Variants in SLC35F4 observed in about 807,000 individuals in gnomAD.
SLC35F4 encodes chromosome 14 open reading frame 36.
A neutral mutation model predicts 44.2 loss-of-function variants in SLC35F4; 24 were observed. The ratio of observed to expected loss-of-function variants is 0.54; its 90% CI spans 0.39 to 0.76. The LOEUF is 0.76. Ranked by LOEUF, SLC35F4 falls within the 30% of genes least tolerant of loss-of-function variation. The pLI is 0.00. For synonymous variants in SLC35F4, 238 were observed against 223.6 expected (o/e 1.06, Z -0.57); for missense variants, 562 against 586.1 (o/e 0.96, Z 0.42).
intron 1 of SLC35F4, among the ~76,000 whole-genome samples, chr14:57,865,305 C>T (rs979514956): frequency 1.3e-4 from 20 of 151,924 alleles, no homozygotes; most frequent in African/African-American, 4.6e-4. Context: ...CCCCAGCCTG[C>T]GTCCCCAGCG....
At chr14:57,644,554 T>C (rs996842386) in intron 1 of SLC35F4, among the ~76,000 whole-genome samples, 1 of 152,062 alleles carries the variant, frequency 6.6e-6, no homozygotes, top group Admixed American at 6.6e-5. Context: ...TTTTCTCCCA[T>C]TCTGTAGGTT....
At chr14:57,585,366 C>T (rs1271231550) in intron 3 of SLC35F4, among the ~76,000 whole-genome samples, 1 of 152,164 alleles carries the variant, frequency 6.6e-6, no homozygotes, top group African/African-American at 2.4e-5. Flanking sequence ...CTATTTATGA[C>T]AGACTCACAG....
At chr14:57,672,575 T>C (rs1256564797) in intron 1 of SLC35F4, among the ~76,000 whole-genome samples, 1 of 152,142 alleles carries the variant, frequency 6.6e-6, no homozygotes, top group East Asian at 1.9e-4. Context: ...ACTACCGCTA[T>C]ATGATTATAA....
intron 1 of SLC35F4, among the ~76,000 whole-genome samples, chr14:57,791,943 A>C (rs1249796502): frequency 6.6e-6 from 1 of 151,490 alleles, no homozygotes; most frequent in African/African-American, 2.4e-5. Flanking sequence ...GGAGGGGAAC[A>C]TCACACACTG....
intron 1 of SLC35F4, among the ~76,000 whole-genome samples, chr14:57,966,025 C>T (rs1329464638): frequency 6.6e-6 from 1 of 152,152 alleles, no homozygotes; most frequent in Admixed American, 6.5e-5. Context: ...CAATGTGTGG[C>T]CCACAATTCA....
chr14:57,716,860 C>A (rs8018502), intron 1 of SLC35F4, among the ~76,000 whole-genome samples: 2 of 151,846 alleles, frequency 1.3e-5, no homozygotes, highest in East Asian at 1.9e-4. Context: ...TCTGTTAACC[C>A]ACCTCTCCCT....
At chr14:57,581,498 C>T in intron 3 of SLC35F4, 65 bp from the exon 4 acceptor site, 1 of 1,399,494 alleles carries the variant, frequency 7.1e-7, no homozygotes, top group South Asian at 1.3e-5. Flanking sequence ...TTATCTGACT[C>T]ATCGCAGCCA....
chr14:57,640,336 CA>C (rs1481307732), intron 1 of SLC35F4, among the ~76,000 whole-genome samples: 2 of 151,378 alleles, frequency 1.3e-5, no homozygotes, highest in Non-Finnish European at 3.0e-5. Context: ...AAAGTACTGA[CA>C]AAAAAGAGAT....
chr14:57,831,953 G>C (rs886441390), intron 1 of SLC35F4, among the ~76,000 whole-genome samples: 1 of 152,104 alleles, frequency 6.6e-6, no homozygotes, highest in Non-Finnish European at 1.5e-5. Flanking sequence ...TCATGTTTTT[G>C]AGCACTGCAA....
chr14:57,844,909 A>G (rs954647074), intron 1 of SLC35F4, among the ~76,000 whole-genome samples: 8 of 151,192 alleles, frequency 5.3e-5, no homozygotes, highest in Admixed American at 2.6e-4. Flanking sequence ...TCTCTCCTCC[A>G]TCTATCTCTC....
At chr14:57,779,885 C>G (rs546105665) in intron 1 of SLC35F4, among the ~76,000 whole-genome samples, 5 of 152,064 alleles carry the variant, frequency 3.3e-5, no homozygotes, top group African/African-American at 2.4e-5. Flanking sequence ...ACTCAACACC[C>G]CTTCGTATTA....
chr14:57,706,604 G>C (rs1202027574), intron 1 of SLC35F4, among the ~76,000 whole-genome samples: 1 of 152,194 alleles, frequency 6.6e-6, no homozygotes, highest in Non-Finnish European at 1.5e-5. Context: ...ACCCTGGGTA[G>C]TCAAAGAAGG....
intron 1 of SLC35F4, among the ~76,000 whole-genome samples, chr14:57,937,190 C>G (rs2141069815): frequency 6.6e-6 from 1 of 152,028 alleles, no homozygotes; most frequent in African/African-American, 2.4e-5. Flanking sequence ...GCCTCAGTCT[C>G]CCGAGTAGCT....
At chr14:57,607,377 A>G (rs1166766367) in intron 1 of SLC35F4, among the ~76,000 whole-genome samples, 2 of 152,214 alleles carry the variant, frequency 1.3e-5, no homozygotes, top group East Asian at 3.8e-4. Flanking sequence ...TTAAGCCACA[A>G]TCTAAATGAA....
chr14:57,816,389 T>G (rs1378709732), intron 1 of SLC35F4, among the ~76,000 whole-genome samples: 3 of 152,118 alleles, frequency 2.0e-5, no homozygotes, highest in Non-Finnish European at 4.4e-5. Context: ...CTCCCAGTCA[T>G]GCAGAAAATG....
chr14:57,605,068 C>T (rs2071070697), intron 1 of SLC35F4, among the ~76,000 whole-genome samples: 2 of 128,392 alleles, frequency 1.6e-5, no homozygotes, highest in African/African-American at 5.6e-5. Flanking sequence ...ACGGCTAAGT[C>T]CCCAAAAGCA....
intron 1 of SLC35F4, among the ~76,000 whole-genome samples, chr14:57,926,835 G>A (rs903626076): frequency 6.6e-5 from 10 of 152,126 alleles, no homozygotes; most frequent in African/African-American, 2.4e-4. Context: ...GATATCACCA[G>A]TGTTTCCAAA....
At chr14:57,965,157 G>C (rs1364436066) in intron 1 of SLC35F4, among the ~76,000 whole-genome samples, 1 of 152,082 alleles carries the variant, frequency 6.6e-6, no homozygotes, top group African/African-American at 2.4e-5. Flanking sequence ...TCAGGAGTCT[G>C]ACAAGGGTCT....
At chr14:57,926,735 G>A (rs200799161) in intron 1 of SLC35F4, among the ~76,000 whole-genome samples, 4 of 141,090 alleles carry the variant, frequency 2.8e-5, no homozygotes, top group Admixed American at 7.0e-5. Flanking sequence ...TGGGGGGGGG[G>A]GGTGGATATA....
Sources: gnomAD v4.1 joint callset for allele counts (sites outside exome capture counted in the v4.1 genomes callset) on GRCh38, gnomAD v4.1.1 for gene constraint, MANE v1.5 for transcripts, NCBI Gene and HGNC (gene_info 2026-07-23, HGNC 2026-07-21) for gene names.